The following SERF2 variants were observed in gnomAD, a reference collection of about 807,000 sequenced individuals.
SERF2 encodes the protein small EDRK-rich factor 2.
Under a neutral mutation model 10.7 loss-of-function variants are expected in SERF2, and 4 were observed. The ratio of observed to expected loss-of-function variants is 0.37; its 90% confidence interval spans 0.18 to 0.86. SERF2 has a LOEUF of 0.86. Ranked by LOEUF, SERF2 falls within the 40% of genes least tolerant of loss-of-function variation. The pLI is 0.43. For synonymous variants in SERF2, 26 were observed against 26.0 expected (o/e 1.00, Z 0.01); for missense variants, 47 against 79.1 (o/e 0.59, Z 1.54).
At position 43,795,576 on chromosome 15, in the gene SERF2, G is replaced by A; in HGVS notation, c.*1803G>A. On this transcript the variant is annotated 3_prime_UTR_variant, in exon 3 of 3. Coordinates refer to ENST00000249786, the MANE Select transcript of SERF2 (RefSeq NM_001018108.4). ...GGAAATGGCTGCTGGGAGCAGAGCTGCTGAAACACCTCTTCCCCTCTCCCC... is the reference window on the plus strand; with the variant it reads ...GGAAATGGCTGCTGGGAGCAGAGCTACTGAAACACCTCTTCCCCTCTCCCC... 1 of 1,613,526 alleles carries A rather than the reference G, an allele frequency of 6.2e-7. No homozygotes were observed. Among genetic ancestry groups the A allele is most frequent in the Non-Finnish European group, 8.5e-7 (1 of 1,179,562 alleles).
chr15:43,777,487 G>A (rs943884184), exon 1 of SERF2: 22 of 191,700 alleles, frequency 1.1e-4, no homozygotes, highest in South Asian at 5.3e-4. Flanking sequence ...CTCTGAAACC[G>A]ATTTCTAACA....
upstream of SERF2, among the ~76,000 whole-genome samples, chr15:43,790,551 G>A (rs978486981): frequency 6.6e-6 from 1 of 151,822 alleles, no homozygotes; most frequent in Non-Finnish European, 1.5e-5. Flanking sequence ...ATCACCTGAG[G>A]TCAGGAGTTC....
In SERF2 at chr15:43,795,433, A is replaced by G; in HGVS notation, c.*1660A>G. The stretch of plus-strand genomic sequence containing the variant: ...AACCATGACATAGAGTGAGGCAAGG[A>G]AGAAGACGAAGTGGAAGGCAGAATA... On this transcript the variant is annotated 3_prime_UTR_variant, in exon 3 of 3. Coordinates refer to ENST00000249786, the MANE Select transcript of SERF2 (RefSeq NM_001018108.4). 6.2e-7 allele frequency: 1 copy of G among 1,614,190 alleles called. No homozygotes were observed. The highest frequency in any genetic ancestry group is 1.1e-5 in the South Asian group (1 of 91,086).
At position 43,795,655 on chromosome 15, in the gene SERF2, A is replaced by G. The variant is rs1467333209; in HGVS notation, c.*1882A>G. On this transcript the variant is annotated 3_prime_UTR_variant, in exon 3 of 3. Transcript: ENST00000249786. ...TTCTTATGGCACTCCACAGAGATCTACCACTTCTTATGGTTCCTCACTTGG... is the reference window on the plus strand; with the variant it reads ...TTCTTATGGCACTCCACAGAGATCTGCCACTTCTTATGGTTCCTCACTTGG... The G allele has an allele frequency of 1.9e-6, 3 of 1,609,984 alleles. No individual in the cohort carries two copies. The highest frequency in any genetic ancestry group is 3.3e-5 in the Admixed American group (2 of 59,768).
chr15:43,783,919 G>A (rs1017424041), intron 1 of SERF2, among the ~76,000 whole-genome samples: 3 of 125,672 alleles, frequency 2.4e-5, no homozygotes, highest in African/African-American at 5.7e-5. Flanking sequence ...GTGCCACCAC[G>A]CCCAGCTATT....
chr15:43,787,101 G>A (rs997991923), intron 2 of SERF2, among the ~76,000 whole-genome samples: 4 of 149,576 alleles, frequency 2.7e-5, no homozygotes, highest in Non-Finnish European at 4.4e-5. Flanking sequence ...CTGGGTTCAC[G>A]CCATTCTCCT....
At position 43,793,051 on chromosome 15, in the gene SERF2, T is replaced by A; in HGVS notation, c.84T>A (p.Asp28Glu). The A allele has an allele frequency of 2.5e-6, 4 of 1,612,872 alleles. No homozygotes were observed. Among genetic ancestry groups the A allele is most frequent in the Non-Finnish European group, 3.4e-6 (4 of 1,179,058 alleles). The change falls in exon 2 of 3, where the codon GAT becomes GAA. Residue 28 changes from aspartate (D) to glutamate (E), a missense_variant. Asp to Glu is a conservative substitution (Grantham distance 45). Coordinates refer to ENST00000249786, the MANE Select transcript of SERF2 (RefSeq NM_001018108.4). ...ACTCGGTTAAGGGAAAGCGCCGAGA[T>A]GACGGGCTTTCTGCTGCCGCCCGCA... ...QSDSVKGKRR[D>E]DGLSAAARKQ...
chr15:43,795,589 T>C lies in SERF2; in HGVS notation c.*1816T>C. 1 of 1,612,790 alleles carries C rather than the reference T, an allele frequency of 6.2e-7. No homozygotes were observed. Among genetic ancestry groups the C allele is most frequent in the Non-Finnish European group, 8.5e-7 (1 of 1,178,922 alleles). ...GGGAGCAGAGCTGCTGAAACACCTCTTCCCCTCTCCCCCAACTACCTTTGT... is the reference window on the plus strand; with the variant it reads ...GGGAGCAGAGCTGCTGAAACACCTCCTCCCCTCTCCCCCAACTACCTTTGT... On this transcript the variant is annotated 3_prime_UTR_variant, in exon 3 of 3. Transcript: ENST00000249786.
intron 2 of SERF2, among the ~76,000 whole-genome samples, chr15:43,785,740 C>G (rs1314148625): frequency 2.2e-5 from 3 of 134,580 alleles, no homozygotes; most frequent in Non-Finnish European, 4.6e-5. Context: ...GATACTTGCT[C>G]TGTCACCCAG....
At chr15:43,778,348 T>C (rs1451734834) in intron 1 of SERF2, among the ~76,000 whole-genome samples, 1 of 151,796 alleles carries the variant, frequency 6.6e-6, no homozygotes, top group African/African-American at 2.4e-5. Context: ...TGCGGCAATA[T>C]CCTAATCTGA....
intron 1 of SERF2, among the ~76,000 whole-genome samples, chr15:43,778,745 CA>C (rs1438873838): frequency 6.6e-6 from 1 of 151,704 alleles, no homozygotes; most frequent in African/African-American, 2.4e-5. Flanking sequence ...ACTAAAACTA[CA>C]AAAAAATTAA....
At chr15:43,791,281 G>T (rs1321219068), upstream of SERF2, among the ~76,000 whole-genome samples, 12 of 150,318 alleles carry the variant, frequency 8.0e-5, no homozygotes, top group African/African-American at 2.2e-4. Context: ...TCGCACTGTC[G>T]CCTGGGCTGG....
upstream of SERF2, among the ~76,000 whole-genome samples, chr15:43,787,960 C>T (rs941176284): frequency 1.2e-4 from 18 of 151,110 alleles, no homozygotes; most frequent in African/African-American, 4.4e-4. Context: ...CTGCAACCTC[C>T]TCCTCCCAGG....
chr15:43,792,479 G>C, intron 1 of SERF2, 96 bp downstream of exon 1: 1 of 1,604,152 alleles, frequency 6.2e-7, no homozygotes, highest in Non-Finnish European at 8.5e-7. Flanking sequence ...AGCTTCCCTA[G>C]CAAGGCGTTT....
exon 1 of SERF2, chr15:43,777,468 G>A: frequency 5.0e-6 from 1 of 198,362 alleles, no homozygotes. Context: ...CCCGCCCGCG[G>A]TTCCACCGCT....
intron 1 of SERF2, 51 bp from the exon 2 acceptor site, chr15:43,792,924 G>C: frequency 1.5e-6 from 2 of 1,330,926 alleles, no homozygotes; most frequent in South Asian, 1.2e-5. Flanking sequence ...AGGGTCGCCG[G>C]TGTGTGGGCA....
In SERF2 at chr15:43,795,741, A is replaced by G; in HGVS notation, c.*1968A>G. ...GCAGAAACACAGTGAGGGCTTCTGC[A>G]AAACAGAACGCAGGTTTTGGAATGG... On this transcript the variant is annotated 3_prime_UTR_variant, in exon 3 of 3. Coordinates refer to ENST00000249786, the MANE Select transcript of SERF2 (RefSeq NM_001018108.4). 6.2e-7 allele frequency: 1 copy of G among 1,613,612 alleles called. No individual in the cohort carries two copies. The highest frequency in any genetic ancestry group is 8.5e-7 in the Non-Finnish European group (1 of 1,179,746).
At chr15:43,784,691 C>T (rs563682230) in intron 1 of SERF2, among the ~76,000 whole-genome samples, 2 of 151,882 alleles carry the variant, frequency 1.3e-5, no homozygotes, top group African/African-American at 4.8e-5. Context: ...CTCCTGACCT[C>T]GTGATCCGCC....
chr15:43,778,546 G>GA (rs2086940182), intron 1 of SERF2, among the ~76,000 whole-genome samples: 1 of 45,726 alleles, frequency 2.2e-5, no homozygotes, highest in Admixed American at 3.6e-4. Context: ...CTCAAAAAAA[G>GA]AAAAAAAGGC....
Sources: allele counts gnomAD v4.1 joint callset (sites outside exome capture counted in the v4.1 genomes callset), GRCh38; gene constraint gnomAD v4.1.1; transcripts MANE v1.5; gene names NCBI Gene and HGNC (gene_info 2026-07-23, HGNC 2026-07-21).